The following NRXN3 variants were observed in gnomAD, a reference collection of about 807,000 sequenced individuals.
NRXN3 encodes the protein neurexin 3.
NRXN3 carries 32 observed loss-of-function variants against 137.6 expected under a neutral mutation model. The observed-to-expected ratio is 0.23, with a 90% CI of 0.18 to 0.31. The LOEUF (loss-of-function observed/expected upper bound fraction) is 0.31. Ranked by LOEUF, NRXN3 falls within the 10% of genes least tolerant of loss-of-function variation. NRXN3 has a pLI of 1.00. For synonymous variants in NRXN3, 798 were observed against 784.5 expected, an observed-to-expected ratio of 1.02 and a Z score of -0.29; for missense variants, 1,574 against 2,062.5, an observed-to-expected ratio of 0.76 and a Z score of 4.59.
At chr14:78,920,351 C>G (rs1178931700) in intron 10 of NRXN3, among the ~76,000 whole-genome samples, 1 of 152,152 alleles carries the variant, frequency 6.6e-6, no homozygotes, top group Non-Finnish European at 1.5e-5. Context: ...GAAGTGAAAT[C>G]TTAAAACACC....
chr14:78,242,784 G>A lies in NRXN3; in HGVS notation c.-310G>A. On this transcript the variant is annotated 5_prime_UTR_variant, in exon 2 of 21. Coordinates refer to ENST00000335750, the MANE Select transcript of NRXN3 (RefSeq NM_001330195.2). ...CATGGATAGCTGAGATCTTTTCTTGGAGAAAGACGCTTTCCTCTTTACTCC... is the reference window on the plus strand; with the variant it reads ...CATGGATAGCTGAGATCTTTTCTTGAAGAAAGACGCTTTCCTCTTTACTCC... 5.6e-6 allele frequency: 2 copies of A among 355,780 alleles called. No homozygotes were observed. The highest frequency in any genetic ancestry group is 1.0e-5 in the Non-Finnish European group (2 of 196,952). 22.0% of individuals were successfully genotyped at this position (355,780 alleles called of 1,614,324 possible). A position where few individuals can be genotyped will look rare whatever the true frequency, so the allele number is the denominator to read the frequency against.
intron 15 of NRXN3, among the ~76,000 whole-genome samples, chr14:79,025,471 T>C (rs770730286): frequency 6.6e-6 from 1 of 152,084 alleles, no homozygotes; most frequent in Non-Finnish European, 1.5e-5. Flanking sequence ...CTGCGTGTGT[T>C]CCCCCGATAC....
chr14:79,162,847 C>T (rs575446776), intron 15 of NRXN3, among the ~76,000 whole-genome samples: 1 of 151,968 alleles, frequency 6.6e-6, no homozygotes, highest in East Asian at 2.0e-4. Flanking sequence ...CCATTTCCTC[C>T]CCTTTCCATC....
rs565278145 is a variant in NRXN3, at chr14:78,850,872, A to C, written c.2275+40528A>C. Among the ~76,000 whole-genome samples the C allele has an allele frequency of 1.0e-3, 154 of 152,306 alleles. 1 individual carries two copies. Among genetic ancestry groups the C allele is most frequent in the African/African-American group, 3.6e-3 (150 of 41,584 alleles). The stretch of plus-strand genomic sequence containing the variant: ...AGGAAAGAATGAGAGGAAGTAAAGA[A>C]AACTAACATTCTTCTGTTTTACTGC... On this transcript the variant is annotated intron_variant, in intron 10 of 20. Transcript: ENST00000335750.
intron 19 of NRXN3, among the ~76,000 whole-genome samples, chr14:79,710,558 A>G (rs1016325184): frequency 1.3e-5 from 2 of 152,318 alleles, no homozygotes; most frequent in African/African-American, 4.8e-5. Context: ...TGGCAAATTC[A>G]TTAGCCTAGA....
At chr14:78,418,208 G>T (rs2093254163) in intron 4 of NRXN3, among the ~76,000 whole-genome samples, 2 of 152,182 alleles carry the variant, frequency 1.3e-5, no homozygotes, top group South Asian at 4.1e-4. Context: ...CATTACGTGA[G>T]AAATTAAGCA....
chr14:79,732,667 T>C (rs1188856860), intron 19 of NRXN3, among the ~76,000 whole-genome samples: 1 of 152,242 alleles, frequency 6.6e-6, no homozygotes, highest in Non-Finnish European at 1.5e-5. Flanking sequence ...TACATGTCTA[T>C]GCACTTTTGA....
At chr14:79,177,277 G>A (rs1274830157) in intron 15 of NRXN3, among the ~76,000 whole-genome samples, 5 of 152,100 alleles carry the variant, frequency 3.3e-5, no homozygotes, top group Admixed American at 2.6e-4. Flanking sequence ...TGAGCTGTTG[G>A]GGGAAGAGAG....
chr14:78,809,751 G>C (rs1052105679), intron 9 of NRXN3, among the ~76,000 whole-genome samples: 1 of 152,166 alleles, frequency 6.6e-6, no homozygotes, highest in Non-Finnish European at 1.5e-5. Context: ...TTTAGAAAAA[G>C]AGAAAGGGTT....
At chr14:79,258,355 C>A (rs937638484) in intron 15 of NRXN3, among the ~76,000 whole-genome samples, 3 of 152,064 alleles carry the variant, frequency 2.0e-5, no homozygotes, top group African/African-American at 7.3e-5. Flanking sequence ...CAGGTGCGCA[C>A]CACCACACCT....
intron 20 of NRXN3, among the ~76,000 whole-genome samples, chr14:79,844,257 A>G (rs1052360427): frequency 2.0e-5 from 3 of 151,208 alleles, no homozygotes; most frequent in Non-Finnish European, 4.4e-5. Context: ...AAAACTCTCC[A>G]TGAGGTTTTG....
chr14:79,392,609 G>A (rs1270973561), intron 15 of NRXN3, among the ~76,000 whole-genome samples: 1 of 152,086 alleles, frequency 6.6e-6, no homozygotes, highest in African/African-American at 2.4e-5. Flanking sequence ...ATCATTGGTC[G>A]TTAGAGAAAT....
At chr14:78,678,487 A>G (rs2098035079) in intron 6 of NRXN3, among the ~76,000 whole-genome samples, 1 of 152,090 alleles carries the variant, frequency 6.6e-6, no homozygotes, top group Admixed American at 6.6e-5. Flanking sequence ...GCCAGAGTTT[A>G]TCTAGTACAT....
chr14:78,692,473 C>A (rs2098180900), intron 6 of NRXN3, among the ~76,000 whole-genome samples: 3 of 152,120 alleles, frequency 2.0e-5, no homozygotes, highest in Non-Finnish European at 4.4e-5. Context: ...GTTTTGTTTG[C>A]AATTATAGGA....
At chr14:78,893,310 CTCT>C (rs1567630742) in intron 10 of NRXN3, among the ~76,000 whole-genome samples, 1 of 151,982 alleles carries the variant, frequency 6.6e-6, no homozygotes, top group Non-Finnish European at 1.5e-5. Flanking sequence ...AAAATTCCTC[CTCT>C]TTTCTCTTTC....
chr14:78,896,649 A>G (rs1252607352), intron 10 of NRXN3, among the ~76,000 whole-genome samples: 1 of 151,900 alleles, frequency 6.6e-6, no homozygotes, highest in East Asian at 1.9e-4. Flanking sequence ...ATAGAGAGGC[A>G]AAATGCATTG....
At chr14:78,388,356 A>G (rs1393623270) in intron 4 of NRXN3, among the ~76,000 whole-genome samples, 4 of 152,228 alleles carry the variant, frequency 2.6e-5, no homozygotes, top group Non-Finnish European at 2.9e-5. Flanking sequence ...GTCATGAGTG[A>G]GAAACCAGTT....
At chr14:78,547,192 T>C (rs2096644102) in intron 4 of NRXN3, among the ~76,000 whole-genome samples, 1 of 148,552 alleles carries the variant, frequency 6.7e-6, no homozygotes, top group Admixed American at 6.8e-5. Flanking sequence ...CAGTCTTCTG[T>C]CATTGCTCTT....
chr14:78,323,612 C>A (rs1308847131), intron 4 of NRXN3, among the ~76,000 whole-genome samples: 1 of 152,024 alleles, frequency 6.6e-6, no homozygotes, highest in African/African-American at 2.4e-5. Flanking sequence ...GGGAATAGAT[C>A]GATGGATAGG....
Sources: gnomAD v4.1 joint callset for allele counts (sites outside exome capture counted in the v4.1 genomes callset) on GRCh38, gnomAD v4.1.1 for gene constraint, MANE v1.5 for transcripts, NCBI Gene and HGNC (gene_info 2026-07-23, HGNC 2026-07-21) for gene names.